The following GALNTL6 variants were observed in gnomAD, a reference collection of about 807,000 sequenced individuals.
GALNTL6 encodes polypeptide N-acetylgalactosaminyltransferase-like 6.
Under a neutral mutation model 73.7 loss-of-function variants are expected in GALNTL6, and 46 were observed. That is an observed-to-expected ratio of 0.62 (90% confidence interval 0.49 to 0.80). GALNTL6 has a LOEUF of 0.80. GALNTL6 is among the 30% of genes least tolerant of loss of function. The probability of loss-of-function intolerance (pLI) is 0.00; values close to 1 mark genes in which losing one functional copy is unlikely to be tolerated. For synonymous variants in GALNTL6, 259 were observed against 263.7 expected (o/e 0.98, Z 0.17); for missense variants, 604 against 755.0 (o/e 0.80, Z 2.34).
intron 2 of GALNTL6, among the ~76,000 whole-genome samples, chr4:172,086,569 GCA>G (rs1029715848): frequency 5.9e-5 from 9 of 151,966 alleles, no homozygotes; most frequent in African/African-American, 2.2e-4. Flanking sequence ...ATAAACACAT[GCA>G]CACAGAGTTG....
At chr4:172,133,115 T>A (rs1733544298) in intron 2 of GALNTL6, among the ~76,000 whole-genome samples, 1 of 152,214 alleles carries the variant, frequency 6.6e-6, no homozygotes. Flanking sequence ...AACATCAATG[T>A]GCTTATTCTC....
chr4:172,888,327 ATTTAAGTC>A (rs1745840478), intron 8 of GALNTL6, among the ~76,000 whole-genome samples: 1 of 152,198 alleles, frequency 6.6e-6, no homozygotes, highest in Non-Finnish European at 1.5e-5. Flanking sequence ...AAGGTCTTAC[ATTTAAGTC>A]TTTAATCTAT....
At chr4:172,202,851 A>G (rs965940914) in intron 2 of GALNTL6, among the ~76,000 whole-genome samples, 2 of 152,262 alleles carry the variant, frequency 1.3e-5, no homozygotes, top group East Asian at 1.9e-4. Flanking sequence ...TGATTTCTAC[A>G]TGAAAGTTAT....
intron 2 of GALNTL6, among the ~76,000 whole-genome samples, chr4:171,993,641 A>G (rs760935755): frequency 6.6e-6 from 1 of 152,100 alleles, no homozygotes. Flanking sequence ...ACTGAAAAAT[A>G]AGGCAGATGA....
intron 2 of GALNTL6, among the ~76,000 whole-genome samples, chr4:171,947,705 C>T (rs1738746061): frequency 6.6e-6 from 1 of 152,000 alleles, no homozygotes; most frequent in Non-Finnish European, 1.5e-5. Context: ...TCCACATGAC[C>T]CAGGTTCAGT....
intron 9 of GALNTL6, among the ~76,000 whole-genome samples, chr4:172,934,629 T>C (rs954185821): frequency 3.3e-5 from 5 of 150,342 alleles, no homozygotes; most frequent in African/African-American, 1.2e-4. Flanking sequence ...TCGGGGCCTA[T>C]TGTCAGCACA....
intron 2 of GALNTL6, among the ~76,000 whole-genome samples, chr4:172,205,326 A>G (rs1158298690): frequency 6.6e-6 from 1 of 152,220 alleles, no homozygotes; most frequent in African/African-American, 2.4e-5. Flanking sequence ...AAGTCTCCAA[A>G]TGAAAGCCTG....
At position 172,577,290 on chromosome 4, in the gene GALNTL6, TTAA is replaced by T. The variant is rs553856617; in HGVS notation, c.553+228603_553+228605del. 2.1e-3 allele frequency among the ~76,000 whole-genome samples: 314 copies of T among 152,306 alleles called. No homozygotes were observed. In the Middle Eastern group the frequency reaches 0.024, roughly 12 times the overall value. On this transcript the variant is annotated intron_variant, in intron 5 of 12. Transcript: ENST00000506823. ...TTTTCAAAAGGTTTCTGAGAATACA[TTAA>T]TGAGTCAGAAAGCCTAGTGACAAAG...
At chr4:172,403,426 C>T (rs1452178344) in intron 5 of GALNTL6, among the ~76,000 whole-genome samples, 1 of 152,024 alleles carries the variant, frequency 6.6e-6, no homozygotes, top group Admixed American at 6.6e-5. Context: ...TCATTGAACA[C>T]ATTTAAGAAG....
chr4:171,825,533 G>T (rs1734800218), intron 2 of GALNTL6, among the ~76,000 whole-genome samples: 1 of 151,916 alleles, frequency 6.6e-6, no homozygotes, highest in Non-Finnish European at 1.5e-5. Context: ...ACAAGCCAAA[G>T]GAAATTACAT....
chr4:171,898,922 A>G (rs539643656), intron 2 of GALNTL6, among the ~76,000 whole-genome samples: 1 of 152,144 alleles, frequency 6.6e-6, no homozygotes, highest in East Asian at 1.9e-4. Context: ...TCTTGGTATT[A>G]AAGAAGCAAG....
intron 2 of GALNTL6, among the ~76,000 whole-genome samples, chr4:172,167,727 G>C (rs1382555549): frequency 6.6e-6 from 1 of 151,648 alleles, no homozygotes; most frequent in African/African-American, 2.4e-5. Flanking sequence ...GGGAGGCCGA[G>C]GCGGGTGGAT....
intron 5 of GALNTL6, among the ~76,000 whole-genome samples, chr4:172,803,290 AGC>A (rs1740763081): frequency 6.6e-6 from 1 of 152,200 alleles, no homozygotes; most frequent in South Asian, 2.1e-4. Context: ...TTACCACCTG[AGC>A]TCTGCCTCCT....
chr4:172,243,193 C>T (rs925087418), intron 3 of GALNTL6, among the ~76,000 whole-genome samples: 2 of 152,170 alleles, frequency 1.3e-5, no homozygotes, highest in East Asian at 1.9e-4. Context: ...ACTTGCTGCT[C>T]TTGCTACTTT....
At chr4:172,180,196 A>G (rs1294726760) in intron 2 of GALNTL6, among the ~76,000 whole-genome samples, 2 of 152,128 alleles carry the variant, frequency 1.3e-5, no homozygotes, top group African/African-American at 2.4e-5. Context: ...CTAATGACCA[A>G]TGATGATGAG....
intron 5 of GALNTL6, among the ~76,000 whole-genome samples, chr4:172,533,484 C>T (rs1735240840): frequency 6.6e-6 from 1 of 151,596 alleles, no homozygotes. Context: ...GCCACCACGC[C>T]TGGCTAAATT....
intron 2 of GALNTL6, among the ~76,000 whole-genome samples, chr4:171,881,475 A>C (rs919691843): frequency 6.6e-6 from 1 of 151,916 alleles, no homozygotes; most frequent in East Asian, 1.9e-4. Flanking sequence ...TGCCTGCTTT[A>C]TATCTCTGGC....
chr4:172,170,005 T>C (rs755820506), intron 2 of GALNTL6, among the ~76,000 whole-genome samples: 8 of 152,218 alleles, frequency 5.3e-5, no homozygotes, highest in Non-Finnish European at 1.0e-4. Context: ...CCTCAACCAA[T>C]ATCACATTAC....
chr4:172,787,794 T>A (rs952590417), intron 5 of GALNTL6, among the ~76,000 whole-genome samples: 4 of 152,106 alleles, frequency 2.6e-5, no homozygotes, highest in African/African-American at 9.7e-5. Context: ...GTTTCAGAAG[T>A]GGCATGTTCG....
Sources: gnomAD v4.1 joint callset for allele counts (sites outside exome capture counted in the v4.1 genomes callset) on GRCh38, gnomAD v4.1.1 for gene constraint, MANE v1.5 for transcripts, NCBI Gene and HGNC (gene_info 2026-07-23, HGNC 2026-07-21) for gene names.